IMMP2L: variants seen among roughly 807,000 people sequenced by gnomAD.
IMMP2L encodes the protein inner mitochondrial membrane peptidase subunit 2.
Under a neutral mutation model 19.3 loss-of-function variants are expected in IMMP2L, and 18 were observed. The ratio of observed to expected loss-of-function variants is 0.93; its 90% confidence interval spans 0.64 to 1.38. The LOEUF (loss-of-function observed/expected upper bound fraction) is 1.38. Among genes scored for constraint, IMMP2L ranks in the 40% most tolerant of loss-of-function variants. The probability of loss-of-function intolerance (pLI) is 0.00; values close to 1 mark genes in which losing one functional copy is unlikely to be tolerated. For missense variants in IMMP2L, 233 were observed against 218.2 expected, an observed-to-expected ratio of 1.07 and a Z score of -0.43; for synonymous variants, 76 against 73.0, an observed-to-expected ratio of 1.04 and a Z score of -0.21.
intron 3 of IMMP2L, among the ~76,000 whole-genome samples, chr7:111,407,243 G>C (rs891071057): frequency 6.6e-6 from 1 of 151,950 alleles, no homozygotes; most frequent in African/African-American, 2.4e-5. Context: ...CCGGAAAACA[G>C]GTTTGGCAGT....
chr7:111,189,560 GA>G (rs928469144), intron 3 of IMMP2L, among the ~76,000 whole-genome samples: 13 of 147,380 alleles, frequency 8.8e-5, no homozygotes, highest in East Asian at 2.0e-4. Flanking sequence ...CCTAAGTCCT[GA>G]AAAAAAAAAT....
At chr7:111,263,058 A>T (rs1184166259) in intron 3 of IMMP2L, among the ~76,000 whole-genome samples, 1 of 152,142 alleles carries the variant, frequency 6.6e-6, no homozygotes, top group African/African-American at 2.4e-5. Context: ...CTTAACGAGT[A>T]GTCAGATAAT....
chr7:111,279,196 AAAATGTATAAAACAG>A (rs1819431075), intron 3 of IMMP2L, among the ~76,000 whole-genome samples: 1 of 152,196 alleles, frequency 6.6e-6, no homozygotes, highest in African/African-American at 2.4e-5. Context: ...AAAATTGGGT[AAAATGTATAAAACAG>A]AAGAATAAAA....
At chr7:111,032,696 C>T (rs746451737) in intron 3 of IMMP2L, among the ~76,000 whole-genome samples, 2 of 152,064 alleles carry the variant, frequency 1.3e-5, no homozygotes, top group Non-Finnish European at 2.9e-5. Context: ...GTGGTGGATG[C>T]CTGTAATCCT....
chr7:111,075,802 T>C (rs1251367689), intron 3 of IMMP2L, among the ~76,000 whole-genome samples: 1 of 152,192 alleles, frequency 6.6e-6, no homozygotes, highest in Non-Finnish European at 1.5e-5. Flanking sequence ...AACTCCGATC[T>C]CTCCTCTGAG....
chr7:111,056,200 G>A (rs1377225256), intron 3 of IMMP2L, among the ~76,000 whole-genome samples: 1 of 152,048 alleles, frequency 6.6e-6, no homozygotes, highest in Non-Finnish European at 1.5e-5. Context: ...TAAAAATAAA[G>A]CAAATAACAC....
At chr7:110,827,983 C>A (rs1165322488) in intron 5 of IMMP2L, among the ~76,000 whole-genome samples, 1 of 152,110 alleles carries the variant, frequency 6.6e-6, no homozygotes, top group Non-Finnish European at 1.5e-5. Context: ...CACCTAACAG[C>A]CATGCAGTTT....
intron 5 of IMMP2L, among the ~76,000 whole-genome samples, chr7:110,775,541 GAC>G (rs1799326479): frequency 1.3e-5 from 2 of 152,028 alleles, no homozygotes; most frequent in South Asian, 4.1e-4. Flanking sequence ...GGTATTCCAA[GAC>G]ACACACAAAA....
intron 3 of IMMP2L, among the ~76,000 whole-genome samples, chr7:111,239,878 T>G (rs189095908): frequency 6.6e-6 from 1 of 152,066 alleles, no homozygotes; most frequent in Non-Finnish European, 1.5e-5. Flanking sequence ...GTAATTCCTG[T>G]TGTTCTTTTT....
At chr7:110,746,471 T>C (rs768462120) in intron 5 of IMMP2L, among the ~76,000 whole-genome samples, 12 of 152,174 alleles carry the variant, frequency 7.9e-5, no homozygotes, top group Non-Finnish European at 1.2e-4. Flanking sequence ...CAGCACCACA[T>C]TGTACTTATT....
intron 3 of IMMP2L, among the ~76,000 whole-genome samples, chr7:111,304,338 A>G (rs936622423): frequency 6.6e-6 from 1 of 152,030 alleles, no homozygotes; most frequent in African/African-American, 2.4e-5. Flanking sequence ...GGTTTTTCCT[A>G]TCTCTCAACA....
intron 3 of IMMP2L, among the ~76,000 whole-genome samples, chr7:111,020,803 G>A (rs939961176): frequency 2.0e-5 from 3 of 152,040 alleles, no homozygotes; most frequent in Admixed American, 2.0e-4. Context: ...GAAAAATAAA[G>A]TGAGTTATTG....
chr7:110,899,737 A>G (rs73196832), intron 4 of IMMP2L, among the ~76,000 whole-genome samples: 1 of 152,154 alleles, frequency 6.6e-6, no homozygotes, highest in Non-Finnish European at 1.5e-5. Context: ...GTGCTAACCT[A>G]TGAATTCTCT....
At chr7:111,216,649 G>A (rs1811954893) in intron 3 of IMMP2L, among the ~76,000 whole-genome samples, 1 of 152,004 alleles carries the variant, frequency 6.6e-6, no homozygotes, top group Non-Finnish European at 1.5e-5. Flanking sequence ...TATTCCTCCT[G>A]TCTACCTGAA....
intron 5 of IMMP2L, among the ~76,000 whole-genome samples, chr7:110,764,635 C>T (rs970638645): frequency 5.3e-5 from 8 of 151,970 alleles, no homozygotes; most frequent in South Asian, 2.1e-4. Flanking sequence ...AATATTTGCT[C>T]ATAAGGTAGC....
chr7:110,681,020 A>G (rs1026804046), intron 5 of IMMP2L, among the ~76,000 whole-genome samples: 1 of 151,986 alleles, frequency 6.6e-6, no homozygotes, highest in Non-Finnish European at 1.5e-5. Flanking sequence ...ATATTCTTCT[A>G]ATTGCATCTT....
intron 3 of IMMP2L, among the ~76,000 whole-genome samples, chr7:111,470,674 T>A (rs1425255811): frequency 7.9e-6 from 1 of 126,264 alleles, no homozygotes; most frequent in East Asian, 2.5e-4. Flanking sequence ...AATTGAACAA[T>A]GAGAACACAT....
intron 3 of IMMP2L, among the ~76,000 whole-genome samples, chr7:111,172,567 C>T (rs563260428): frequency 2.0e-5 from 3 of 151,564 alleles, no homozygotes; most frequent in Admixed American, 2.0e-4. Flanking sequence ...GTCACCCTAT[C>T]GTGCTAGGGA....
intron 4 of IMMP2L, among the ~76,000 whole-genome samples, chr7:110,961,877 G>C (rs1470715297): frequency 6.6e-6 from 1 of 151,876 alleles, no homozygotes; most frequent in Non-Finnish European, 1.5e-5. Flanking sequence ...TCTAGAGACT[G>C]AAAGCAGACC....
Sources: gnomAD v4.1 joint callset for allele counts (sites outside exome capture counted in the v4.1 genomes callset) on GRCh38, gnomAD v4.1.1 for gene constraint, MANE v1.5 for transcripts, NCBI Gene and HGNC (gene_info 2026-07-23, HGNC 2026-07-21) for gene names.